RELN: variants seen among roughly 807,000 people sequenced by gnomAD.
RELN encodes reelin.
In RELN, 108 loss-of-function variants were observed where a neutral mutation model predicts 427.6. The ratio of observed to expected loss-of-function variants is 0.25; its 90% confidence interval spans 0.22 to 0.30. The LOEUF is 0.30. RELN is among the 10% of genes least tolerant of loss of function. The pLI is 1.00. For synonymous variants in RELN, 1,524 were observed against 1,513.4 expected, an observed-to-expected ratio of 1.01 and a Z score of -0.16; for missense variants, 3,715 against 4,302.8, an observed-to-expected ratio of 0.86 and a Z score of 3.82.
intron 17 of RELN, among the ~76,000 whole-genome samples, chr7:103,637,735 T>C (rs1461589898): frequency 6.6e-6 from 1 of 152,204 alleles, no homozygotes; most frequent in Non-Finnish European, 1.5e-5. Flanking sequence ...TTAGACTGAA[T>C]AGCCAAGTTG....
rs938271576 is a variant in RELN at position 103,697,895 on chromosome 7, C to T, written c.1101G>A (p.Val367=). 6 of 1,613,568 alleles carry T rather than the reference C, an allele frequency of 3.7e-6. No homozygotes were observed. The African/African-American group carries it at 8.0e-5, about 22-fold the overall frequency. Residue 367 remains valine (V), a synonymous_variant, in exon 10 of 65, where the codon GTG becomes GTA. Transcript: ENST00000428762. ...QVVLEDSLDP[V]DTGNWLFFPG... is the part of the protein sequence containing the mutation. ...GGAAGAAAAGCCAGTTGCCTGTGTC[C>T]ACTGGGTCGAGACTATCTTCTAAAA...
In RELN at chr7:103,661,340, C is replaced by T. The variant is rs746256990; in HGVS notation, c.1441+36G>A. On this transcript the variant is annotated intron_variant, in intron 12 of 64. Transcript: ENST00000428762. ...GGAATAGGTGCTGGCCTAGGATTTG[C>T]CCCACGGTGAACAAAGTTTGTGAAA... 23 of 1,608,766 alleles carry T rather than the reference C, an allele frequency of 1.4e-5. No individual in the cohort carries two copies. The Admixed American group carries it at 2.2e-4, about 15-fold the overall frequency.
At chr7:103,724,191 T>C (rs1408113626) in intron 7 of RELN, among the ~76,000 whole-genome samples, 2 of 152,042 alleles carry the variant, frequency 1.3e-5, no homozygotes, top group Non-Finnish European at 2.9e-5. Flanking sequence ...TTCGTTGTTT[T>C]GTTTTTTTTG....
chr7:103,858,574 T>C (rs572465079), intron 2 of RELN, among the ~76,000 whole-genome samples: 46 of 152,290 alleles, frequency 3.0e-4, no homozygotes, highest in African/African-American at 9.4e-4. Flanking sequence ...TGGAAGAATA[T>C]ATTATGAATC....
chr7:103,957,398 T>G lies in RELN; in HGVS notation c.226+31733A>C, dbSNP rs539538550. On this transcript the variant is annotated intron_variant, in intron 1 of 64. Coordinates refer to ENST00000428762, the MANE Select transcript of RELN (RefSeq NM_005045.4). ...AAAAAGTTATCTAATTCTAAGGGAG[T>G]TGACTCAGTCATAACAACAGTCCTT... is the stretch of plus-strand genomic sequence containing the variant. Among the ~76,000 whole-genome samples, 6 of 152,000 alleles carry G rather than the reference T, an allele frequency of 3.9e-5. No homozygotes were observed. The South Asian group carries it at 1.2e-3, about 32-fold the overall frequency.
In RELN at chr7:103,553,800, G is replaced by A. The variant is rs763868944; in HGVS notation, c.5829C>T (p.Asp1943=). Residue 1943 remains aspartate (D), a synonymous_variant, in exon 39 of 65, where the codon GAC becomes GAT. Coordinates refer to ENST00000428762, the MANE Select transcript of RELN (RefSeq NM_005045.4). ...GKKEEIWIVD[D]FIIDGNNVNN... ...TTACATTATTTCCATCGATAATGAA[G>A]TCATCAACAATCCAGATTTCTTCTT... 2.5e-6 allele frequency: 4 copies of A among 1,613,994 alleles called. No homozygotes were observed. The highest frequency in any genetic ancestry group is 2.2e-5 in the East Asian group (1 of 44,862).
intron 12 of RELN, among the ~76,000 whole-genome samples, chr7:103,654,821 G>A (rs1318655281): frequency 1.3e-5 from 2 of 151,976 alleles, no homozygotes; most frequent in Non-Finnish European, 2.9e-5. Flanking sequence ...TGCCATTGAA[G>A]CTGAAGAGCA....
chr7:103,855,372 A>T (rs1282501834), intron 2 of RELN, among the ~76,000 whole-genome samples: 1 of 152,238 alleles, frequency 6.6e-6, no homozygotes, highest in Non-Finnish European at 1.5e-5. Flanking sequence ...CACTGCAGAC[A>T]CAATGGGAAG....
chr7:103,608,183 C>T (rs1235732258), intron 22 of RELN, among the ~76,000 whole-genome samples: 3 of 152,058 alleles, frequency 2.0e-5, no homozygotes, highest in African/African-American at 7.2e-5. Flanking sequence ...CTGCTATTTG[C>T]AAAGGTTTAA....
chr7:103,483,520 T>A, intron 62 of RELN, 133 bp downstream of exon 62: 1 of 916,214 alleles, frequency 1.1e-6, no homozygotes, highest in Non-Finnish European at 1.8e-6. Context: ...GGGTTAGTCT[T>A]CGTTCTGCCA....
intron 4 of RELN, among the ~76,000 whole-genome samples, chr7:103,756,511 T>C (rs1000345761): frequency 1.3e-5 from 2 of 152,198 alleles, no homozygotes; most frequent in Non-Finnish European, 2.9e-5. Context: ...AAGCCAAAGC[T>C]GGTAATAGTG....
At chr7:103,483,972 T>C (rs1828335757) in intron 61 of RELN, 122 bp from the exon 62 acceptor site, 4 of 977,706 alleles carry the variant, frequency 4.1e-6, no homozygotes, top group Admixed American at 2.1e-5. Context: ...GTCTGCCTAC[T>C]GGGTTCAAGC....
chr7:103,792,372 G>A (rs1051294088), intron 3 of RELN, among the ~76,000 whole-genome samples: 1 of 151,966 alleles, frequency 6.6e-6, no homozygotes, highest in African/African-American at 2.4e-5. Flanking sequence ...TCCATACAAC[G>A]GAATATTATT....
chr7:103,588,727 C>T (rs1229911362), intron 28 of RELN, among the ~76,000 whole-genome samples: 1 of 152,166 alleles, frequency 6.6e-6, no homozygotes, highest in East Asian at 1.9e-4. Context: ...TTGTAGACCA[C>T]AACCAGTCTC....
intron 6 of RELN, among the ~76,000 whole-genome samples, chr7:103,737,904 A>G (rs1364124829): frequency 6.6e-6 from 1 of 151,966 alleles, no homozygotes; most frequent in Non-Finnish European, 1.5e-5. Context: ...TATCCAACTG[A>G]TGGAGGTCTT....
At chr7:103,484,000 C>T in intron 61 of RELN, 150 bp from the exon 62 acceptor site, 1 of 754,330 alleles carries the variant, frequency 1.3e-6, no homozygotes, top group Admixed American at 2.3e-5. Flanking sequence ...CTGCCTCGGT[C>T]TCCCTAGTAG....
intron 3 of RELN, 27 bp downstream of exon 3, chr7:103,833,510 C>A: frequency 1.2e-6 from 2 of 1,606,636 alleles, no homozygotes; most frequent in Non-Finnish European, 1.7e-6. Context: ...GCCTTCTGTA[C>A]GTATGGCAGA....
chr7:103,931,546 T>C (rs1795866118), intron 1 of RELN, among the ~76,000 whole-genome samples: 1 of 152,200 alleles, frequency 6.6e-6, no homozygotes, highest in African/African-American at 2.4e-5. Context: ...GCATAGTCCC[T>C]AAAAGGTTAT....
intron 1 of RELN, among the ~76,000 whole-genome samples, chr7:103,942,502 G>A (rs1292984972): frequency 1.3e-5 from 2 of 152,148 alleles, no homozygotes; most frequent in African/African-American, 2.4e-5. Flanking sequence ...TCACTTAGGG[G>A]ACTTGTTAGT....
Sources: allele counts gnomAD v4.1 joint callset (sites outside exome capture counted in the v4.1 genomes callset), GRCh38; gene constraint gnomAD v4.1.1; transcripts MANE v1.5; gene names NCBI Gene and HGNC (gene_info 2026-07-23, HGNC 2026-07-21).